The following FAT2 variants were observed in gnomAD, a reference collection of about 807,000 sequenced individuals.
FAT2 encodes the protein protocadherin Fat 2.
Under a neutral mutation model 295.3 loss-of-function variants are expected in FAT2, and 150 were observed. The ratio of observed to expected loss-of-function variants is 0.51; its 90% confidence interval spans 0.44 to 0.58. The LOEUF is 0.58. FAT2 is among the 20% of genes least tolerant of loss of function. The pLI, the probability that FAT2 is intolerant of heterozygous loss-of-function variation, is 0.00. For synonymous variants in FAT2, 2,026 were observed against 2,150.3 expected (o/e 0.94, Z 1.60); for missense variants, 4,868 against 5,442.7 (o/e 0.89, Z 3.32).
intron 7 of FAT2, 143 bp from the exon 8 acceptor site, chr5:151,551,014 G>T: frequency 1.3e-6 from 1 of 772,600 alleles, no homozygotes; most frequent in Non-Finnish European, 2.1e-6. Context: ...TTGAATGAAT[G>T]ACAGTATTTC....
chr5:151,542,615 C>T lies in FAT2; in HGVS notation c.8512G>A (p.Ala2838Thr), dbSNP rs2127605727. The T allele has an allele frequency of 6.2e-7, 1 of 1,614,202 alleles. No homozygotes were observed. Among genetic ancestry groups the T allele is most frequent in the Non-Finnish European group, 8.5e-7 (1 of 1,180,028 alleles). ...TCATGGACATTGCTACCAGGGTCTG[C>T]AGACAGCCTGTAGCTCACCTGGCCA... Reference protein sequence around the residue: ...RDGQVSYRLSADPGSNVHELF... With the variant: ...RDGQVSYRLSTDPGSNVHELF... The change falls in exon 10 of 24, where the codon GCA (alanine) becomes ACA (threonine). Residue 2838 changes from alanine to threonine, a missense_variant. Ala to Thr is a moderately conservative substitution (Grantham distance 58, BLOSUM62 0). This residue lies in a region of FAT2 where 3,297 missense variants were observed against 3,669.4 expected (regional missense o/e 0.90). Coordinates refer to ENST00000261800, the MANE Select transcript of FAT2 (RefSeq NM_001447.3).
intron 20 of FAT2, among the ~76,000 whole-genome samples, chr5:151,513,799 TGA>T (rs1294297851): frequency 6.6e-6 from 1 of 152,222 alleles, no homozygotes; most frequent in Non-Finnish European, 1.5e-5. Flanking sequence ...TGTTGACATG[TGA>T]GTTTATTATT....
intron 1 of FAT2, among the ~76,000 whole-genome samples, chr5:151,573,521 G>A (rs1027304449): frequency 4.6e-5 from 7 of 152,164 alleles, no homozygotes; most frequent in Non-Finnish European, 1.0e-4. Flanking sequence ...GGGCGCAGTG[G>A]CATGTGCCTA....
Position 151,544,794 on chromosome 5 carries a change from T to G in FAT2, c.6333A>C (p.Glu2111Asp), listed in dbSNP as rs1581397799. 6.2e-7 allele frequency: 1 copy of G among 1,614,206 alleles called. No homozygotes were observed. Among genetic ancestry groups the G allele is most frequent in the East Asian group, 2.2e-5 (1 of 44,882 alleles). Residue 2111 changes from glutamate (E) to aspartate (D), a missense_variant, in exon 10 of 24, where the codon GAA (glutamate) becomes GAC (aspartate). Coordinates refer to ENST00000261800, the MANE Select transcript of FAT2 (RefSeq NM_001447.3). Reference protein sequence around the residue: ...TNGAVTYEFAEDYTYFRIDPY... With the variant: ...TNGAVTYEFADDYTYFRIDPY... ...GGTCAATTCGGAAATATGTGTAATC[T>G]TCTGCAAATTCATATGTAACAGCCC...
At chr5:151,549,822 CA>C (rs1757010622) in intron 8 of FAT2, among the ~76,000 whole-genome samples, 1 of 151,698 alleles carries the variant, frequency 6.6e-6, no homozygotes, top group Non-Finnish European at 1.5e-5. Flanking sequence ...ACATGTCATG[CA>C]GGAAAAAAAA....
At chr5:151,537,728 G>A (rs1471146401) in intron 12 of FAT2, 65 bp downstream of exon 12, 13 of 1,481,942 alleles carry the variant, frequency 8.8e-6, no homozygotes, top group African/African-American at 1.4e-5. Flanking sequence ...AGAATACCAT[G>A]GCACTGGGCA....
intron 1 of FAT2, among the ~76,000 whole-genome samples, chr5:151,584,404 G>T (rs1002120619): frequency 3.3e-5 from 5 of 152,084 alleles, no homozygotes; most frequent in African/African-American, 1.2e-4. Context: ...GCAATATTCT[G>T]GTCCGTTTTC....
chr5:151,565,479 G>A (rs942279768), intron 2 of FAT2, among the ~76,000 whole-genome samples, 194 bp downstream of exon 2: 1 of 151,856 alleles, frequency 6.6e-6, no homozygotes, highest in African/African-American at 2.4e-5. Flanking sequence ...ATGTGTATAT[G>A]CACATATATA....
upstream of FAT2, among the ~76,000 whole-genome samples, chr5:151,592,452 C>T (rs909282439): frequency 6.6e-6 from 1 of 152,082 alleles, no homozygotes; most frequent in Admixed American, 6.5e-5. Flanking sequence ...GGTCTTGAAG[C>T]CCCTCTGCAA....
intron 1 of FAT2, among the ~76,000 whole-genome samples, chr5:151,577,053 G>T (rs1056308671): frequency 4.6e-5 from 7 of 152,180 alleles, no homozygotes; most frequent in African/African-American, 1.7e-4. Flanking sequence ...CATATATGCA[G>T]TCCCACACTG....
At chr5:151,557,062 AC>A (rs1468251770) in intron 3 of FAT2, among the ~76,000 whole-genome samples, 1 of 152,168 alleles carries the variant, frequency 6.6e-6, no homozygotes, top group African/African-American at 2.4e-5. Flanking sequence ...CAATCGGCCC[AC>A]CACGAGCAGC....
At position 151,566,831 on chromosome 5, in the gene FAT2, A is replaced by G. The variant is rs1004504404; in HGVS notation, c.2101T>C (p.Ser701Pro). The change falls in exon 2 of 24, where the codon TCT becomes CCT. Residue 701 changes from serine (S) to proline (P), a missense_variant. By Grantham distance (74) the Ser-to-Pro change is moderately conservative. This residue lies in a region of FAT2 where 3,297 missense variants were observed against 3,669.4 expected (regional missense o/e 0.90). Transcript: ENST00000261800. Reference protein sequence around the residue: ...NQESSDEEFTSLSTYQINHYT... With the variant: ...NQESSDEEFTPLSTYQINHYT... ...TGATTAATCTGATATGTGCTTAAAG[A>G]AGTGAATTCCTCATCACTGGACTCC... is the stretch of plus-strand genomic sequence containing the variant. The G allele has an allele frequency of 3.1e-6, 5 of 1,614,068 alleles. No individual in the cohort carries two copies. Among genetic ancestry groups the G allele is most frequent in the Non-Finnish European group, 4.2e-6 (5 of 1,180,040 alleles).
intron 1 of FAT2, among the ~76,000 whole-genome samples, chr5:151,582,532 T>C (rs1379359693): frequency 6.6e-6 from 1 of 152,136 alleles, no homozygotes; most frequent in African/African-American, 2.4e-5. Context: ...GTTCAACAAG[T>C]TCCCTGGGTG....
rs370677053 is a variant in FAT2, at chr5:151,527,267, T to A, written c.10275A>T (p.Arg3425Ser). Residue 3425 changes from arginine (R) to serine (S), a missense_variant, in exon 17 of 24, where the codon AGA (arginine) becomes AGT (serine). Physicochemically the swap from Arg to Ser is moderately radical, Grantham distance 110 (BLOSUM62 -1). Transcript: ENST00000261800. ...TGGTGCTGTAGTTGAGCTGGAAGAA[T>A]CTCGGTGGGTTATCATTGACATCAG... is the stretch of plus-strand genomic sequence containing the variant. Reference protein sequence around the residue: ...QVADVNDNPPRFFQLNYSTTV... With the variant: ...QVADVNDNPPSFFQLNYSTTV... The A allele has an allele frequency of 1.8e-5, 29 of 1,612,886 alleles. No homozygotes were observed. The Middle Eastern group carries it at 8.3e-4, about 46-fold the overall frequency.
At chr5:151,590,330 C>A (rs116712116) in intron 1 of FAT2, among the ~76,000 whole-genome samples, 1,667 of 152,312 alleles carry the variant, frequency 0.011, 35 homozygotes, top group African/African-American at 0.038. Flanking sequence ...ATTTCTGAGC[C>A]CTTGGCAAAC....
rs746469326 is a variant in FAT2 at position 151,567,236 on chromosome 5, C to T, written c.1696G>A (p.Glu566Lys). ...CGGATAGACCCTGTACAGTTGACTTCTTCAAACATAGGCTGGTTGTCATTC... is the reference window on the plus strand; with the variant it reads ...CGGATAGACCCTGTACAGTTGACTTTTTCAAACATAGGCTGGTTGTCATTC... ...NLNDNQPMFE[E>K]VNCTGSIRQD... The change falls in exon 2 of 24, where the codon GAA (glutamate) becomes AAA (lysine). Residue 566 changes from glutamate to lysine, a missense_variant. Coordinates refer to ENST00000261800, the MANE Select transcript of FAT2 (RefSeq NM_001447.3). The T allele has an allele frequency of 1.9e-6, 3 of 1,614,176 alleles. No individual in the cohort carries two copies. The highest frequency in any genetic ancestry group is 2.5e-6 in the Non-Finnish European group (3 of 1,180,032).
chr5:151,527,957 T>C, intron 16 of FAT2, 39 bp downstream of exon 16: 3 of 1,607,498 alleles, frequency 1.9e-6, no homozygotes, highest in South Asian at 2.2e-5. Flanking sequence ...GTGTCTCTGC[T>C]CTAATGAGCT....
In FAT2 at chr5:151,521,448, C is replaced by G. The variant is rs769029023; in HGVS notation, c.11145G>C (p.Gly3715=). 29 of 1,614,096 alleles carry G rather than the reference C, an allele frequency of 1.8e-5. No homozygotes were observed. The South Asian group carries it at 3.2e-4, about 18-fold the overall frequency. Residue 3715 remains glycine, a synonymous_variant, in exon 19 of 24, where the codon GGG becomes GGC. Transcript: ENST00000261800. ...TGGGCATAGCTGACCGCATCTGAAC[C>G]CCCACTGAATGCTCCATCTCCTTGG... The part of the protein sequence containing the change: ...HSAKEMEHSV[G]VQMRSAMPMV...
chr5:151,540,572 A>G lies in FAT2; in HGVS notation c.9034T>C (p.Ser3012Pro), dbSNP rs2127602186. The G allele has an allele frequency of 6.2e-7, 1 of 1,612,042 alleles. No homozygotes were observed. The highest frequency in any genetic ancestry group is 8.5e-7 in the Non-Finnish European group (1 of 1,178,758). Residue 3012 changes from serine (S) to proline (P), a missense_variant, in exon 11 of 24, where the codon TCA (serine) becomes CCA (proline). Ser to Pro is a moderately conservative substitution (Grantham distance 74, BLOSUM62 -1). Transcript: ENST00000261800. ...ACCCCTCGCCAGGCTCTCACCTGTG[A>G]ACACTGTGGGCTGTTATCATTGACG... ...LDVNDNSPQCSQLLYTGKVHE... is the reference protein window; with the variant it reads ...LDVNDNSPQCPQLLYTGKVHE...
Sources: gnomAD v4.1 joint callset for allele counts (sites outside exome capture counted in the v4.1 genomes callset) on GRCh38, gnomAD v4.1.1 for gene constraint, gnomAD v4.1.1 regional missense constraint, MANE v1.5 for transcripts, NCBI Gene and HGNC (gene_info 2026-07-23, HGNC 2026-07-21) for gene names.